The following TMEM200C variants were observed in gnomAD, a reference collection of about 807,000 sequenced individuals.
TMEM200C encodes transmembrane protein 200C.
For missense variants in TMEM200C, 966 were observed against 699.9 expected, an observed-to-expected ratio of 1.38 and a Z score of -4.29; for synonymous variants, 462 against 324.7, an observed-to-expected ratio of 1.42 and a Z score of -4.55.
exon 3 of TMEM200C, chr18:5,889,191 T>C (rs895812539): frequency 6.6e-6 from 1 of 152,248 alleles, no homozygotes; most frequent in African/African-American, 2.4e-5. Flanking sequence ...AGAAGTATCA[T>C]AGGCATATTA....
At chr18:5,887,280 G>A (rs1225902183) in exon 3 of TMEM200C, 2 of 152,026 alleles carry the variant, frequency 1.3e-5, no homozygotes, top group Non-Finnish European at 2.9e-5. Context: ...CATCTATAAG[G>A]CCCTTTCAAA....
chr18:5,895,092 G>A (rs377342787), exon 2 of TMEM200C: 1 of 152,298 alleles, frequency 6.6e-6, no homozygotes, highest in African/African-American at 2.4e-5. Context: ...AAGGAACCAT[G>A]GAGAAACTTT....
chr18:5,882,986 C>T (rs1212739576), exon 3 of TMEM200C: 1 of 152,086 alleles, frequency 6.6e-6, no homozygotes, highest in Non-Finnish European at 1.5e-5. Context: ...TATGTGCTTC[C>T]TGATATCATT....
At chr18:5,889,146 C>T (rs2095167632) in exon 3 of TMEM200C, 1 of 152,200 alleles carries the variant, frequency 6.6e-6, no homozygotes, top group Non-Finnish European at 1.5e-5. Context: ...AATATTAAGC[C>T]TGGTGCTCTG....
rs773781191 is a variant in TMEM200C at position 5,891,974 on chromosome 18, T to C, written c.90A>G (p.Lys30=). 17 of 1,613,874 alleles carry C rather than the reference T, an allele frequency of 1.1e-5. No homozygotes were observed. The highest frequency in any genetic ancestry group is 2.5e-6 in the Non-Finnish European group (3 of 1,179,894). ...CGTCGTTCTTGCGCCTCTTCTTGGCTTTCCGCTTGCGCTTGGGTATCTGGC... is the reference window on the plus strand; with the variant it reads ...CGTCGTTCTTGCGCCTCTTCTTGGCCTTCCGCTTGCGCTTGGGTATCTGGC... Residue 30 remains lysine (K), a synonymous_variant, in exon 3 of 3, where the codon AAA becomes AAG. Transcript: ENST00000581347. This position sits in a 1 kb window ranked among gnomAD's most constrained non-coding sequence, Gnocchi z 4.7.
At position 5,891,379 on chromosome 18, in the gene TMEM200C, CGGCG is replaced by C; in HGVS notation, c.681_684del (p.Ala228ProfsTer33). 7.7e-7 allele frequency: 1 copy of C among 1,306,726 alleles called. No individual in the cohort carries two copies. The highest frequency in any genetic ancestry group is 9.7e-7 in the Non-Finnish European group (1 of 1,033,404). 80.9% of individuals were successfully genotyped at this position (1,306,726 alleles called of 1,614,324 possible). On this transcript the variant is annotated frameshift_variant, in exon 3 of 3. Coordinates refer to ENST00000581347, the Ensembl canonical transcript of TMEM200C. LOFTEE classifies it low-confidence loss of function (END_TRUNC). This position sits in a 1 kb window ranked among gnomAD's most constrained non-coding sequence, Gnocchi z 4.7. ...GGGGCAGACGACGACGAAGAGGCGG[CGGCG>C]GCCGCGGCGGCGGCCGCGGCGGCCG...
chr18:5,890,685 C>A, exon 3 of TMEM200C: 1 of 549,962 alleles, frequency 1.8e-6, no homozygotes, highest in Non-Finnish European at 2.8e-6. Context: ...CCTGCCGGTC[C>A]TGGGCAGGCG....
In TMEM200C at chr18:5,883,592, T is replaced by A. The variant is rs186397760; in HGVS notation, c.*6606A>T. On this transcript the variant is annotated 3_prime_UTR_variant, in exon 3 of 3. Coordinates refer to ENST00000581347, the Ensembl canonical transcript of TMEM200C. ...CATACGTGAGGAACAAAAAAACGGA[T>A]GTTTATTATTAACAAAGATAAATTA... 3.3e-5 allele frequency: 5 copies of A among 152,294 alleles called. No individual in the cohort carries two copies. The East Asian group carries it at 9.6e-4, about 29-fold the overall frequency. The allele number at this position is 152,294 out of a possible 1,614,324, so 9.4% of individuals were successfully genotyped here. A position where few individuals can be genotyped will look rare whatever the true frequency, so the allele number is the denominator to read the frequency against.
chr18:5,890,470 T>C (rs1297675488), exon 3 of TMEM200C: 4 of 1,563,554 alleles, frequency 2.6e-6, no homozygotes, highest in Non-Finnish European at 2.6e-6. Flanking sequence ...TTATTGCTGC[T>C]GGATGGGTCA....
Position 5,891,498 on chromosome 18 carries a change from T to TC in TMEM200C, c.565dup (p.Glu189GlyfsTer160). ...GATTTTGGTCTTCTTGTCCCGGTTCTCGTGGAGGACCGCGTTTGCGCAGAT... is the reference window on the plus strand; with the variant it reads ...GATTTTGGTCTTCTTGTCCCGGTTCTCCGTGGAGGACCGCGTTTGCGCAGAT... On this transcript the variant is annotated frameshift_variant, in exon 3 of 3. Transcript: ENST00000581347. LOFTEE classifies it low-confidence loss of function (END_TRUNC). The surrounding 1 kb of genome is among the most constrained non-coding windows in gnomAD (Gnocchi z 4.7). The TC allele has an allele frequency of 1.2e-6, 2 of 1,607,562 alleles. No individual in the cohort carries two copies. The highest frequency in any genetic ancestry group is 1.7e-6 in the Non-Finnish European group (2 of 1,177,198).
Position 5,891,327 on chromosome 18 carries a change from G to A in TMEM200C, c.737C>T (p.Pro246Leu), listed in dbSNP as rs774897506. 7.3e-7 allele frequency: 1 copy of A among 1,369,096 alleles called. No homozygotes were observed. Among genetic ancestry groups the A allele is most frequent in the South Asian group, 1.8e-5 (1 of 54,244 alleles). The allele number at this position is 1,369,096 out of a possible 1,614,324, so 84.8% of individuals were successfully genotyped here. The change falls in exon 3 of 3, where the codon CCG (proline) becomes CTG (leucine). Residue 246 changes from proline (P) to leucine (L), a missense_variant. Coordinates refer to ENST00000581347, the Ensembl canonical transcript of TMEM200C. The surrounding 1 kb of genome is among the most constrained non-coding windows in gnomAD (Gnocchi z 4.7). ...CACGTAGCTGAGGAAGCCGTTGAGC[G>A]GTATGGCCCCGGGGGGCGCCGCGGC...
chr18:5,890,315 G>A (rs1304063121), exon 3 of TMEM200C: 1 of 1,604,254 alleles, frequency 6.2e-7, no homozygotes, highest in Admixed American at 1.7e-5. Flanking sequence ...GCTCGGCCGT[G>A]GGTGGCTCCT....
chr18:5,890,516 G>C (rs1356296543), exon 3 of TMEM200C: 2 of 1,516,750 alleles, frequency 1.3e-6, no homozygotes, highest in African/African-American at 1.4e-5. Flanking sequence ...GCCTGGTGGG[G>C]GGCGAGCCCT....
At chr18:5,894,680 C>T (rs1051248426) in intron 2 of TMEM200C, among the ~76,000 whole-genome samples, 1 of 152,188 alleles carries the variant, frequency 6.6e-6, no homozygotes, top group Non-Finnish European at 1.5e-5. Flanking sequence ...GTGCTGTGCC[C>T]GGTACCCAAC....
chr18:5,892,866 G>C (rs1478006471), intron 2 of TMEM200C, among the ~76,000 whole-genome samples: 1 of 152,194 alleles, frequency 6.6e-6, no homozygotes, highest in Non-Finnish European at 1.5e-5. Context: ...ACCTATGCCT[G>C]TTCCTACAGC....
At position 5,891,208 on chromosome 18, in the gene TMEM200C, G is replaced by A; in HGVS notation, c.856C>T (p.Pro286Ser). Residue 286 changes from proline (P) to serine (S), a missense_variant, in exon 3 of 3, where the codon CCT becomes TCT. Transcript: ENST00000581347. The surrounding 1 kb of genome is among the most constrained non-coding windows in gnomAD (Gnocchi z 4.7). ...CCGCCGCTCGGCGCCGCGGGGTGAGGAGGCCACGAGCCCTTGGCCAGCATC... is the reference window on the plus strand; with the variant it reads ...CCGCCGCTCGGCGCCGCGGGGTGAGAAGGCCACGAGCCCTTGGCCAGCATC... The A allele has an allele frequency of 2.8e-6, 3 of 1,076,178 alleles. No individual in the cohort carries two copies. Among genetic ancestry groups the A allele is most frequent in the Non-Finnish European group, 3.6e-6 (3 of 833,852 alleles). The allele number at this position is 1,076,178 out of a possible 1,614,324, so 66.7% of individuals were successfully genotyped here.
Position 5,891,854 on chromosome 18 carries a change from C to G in TMEM200C, c.210G>C (p.Ala70=). Residue 70 remains alanine (A), a synonymous_variant, in exon 3 of 3, where the codon GCG becomes GCC. Transcript: ENST00000581347. The surrounding 1 kb of genome is among the most constrained non-coding windows in gnomAD (Gnocchi z 4.7). ...TGGCCTTGGGCCAGTAGCCCACCAC[C>G]GCCATGGCTATGCCCACCAGCAGCA... is the stretch of plus-strand genomic sequence containing the variant. 6.2e-7 allele frequency: 1 copy of G among 1,609,044 alleles called. No homozygotes were observed. Among genetic ancestry groups the G allele is most frequent in the Non-Finnish European group, 8.5e-7 (1 of 1,179,356 alleles).
chr18:5,883,118 G>T (rs763353975), exon 3 of TMEM200C: 1 of 151,960 alleles, frequency 6.6e-6, no homozygotes, highest in Non-Finnish European at 1.5e-5. Flanking sequence ...CATAACTGAT[G>T]ATATCTATTA....
At chr18:5,890,340 G>A in exon 3 of TMEM200C, 1 of 1,603,520 alleles carries the variant, frequency 6.2e-7, no homozygotes, top group Non-Finnish European at 8.5e-7. Context: ...GGCACCCTCC[G>A]GCGAGCTCTG....
Sources: allele counts gnomAD v4.1 joint callset (sites outside exome capture counted in the v4.1 genomes callset), GRCh38; gene constraint gnomAD v4.1.1; non-coding constraint Gnocchi (gnomAD v3.1); transcripts MANE v1.5; gene names NCBI Gene and HGNC (gene_info 2026-07-23, HGNC 2026-07-21).